Variants in CDON observed in about 807,000 individuals in gnomAD.
The protein encoded by CDON is cell adhesion associated, oncogene regulated.
Under a neutral mutation model 120.9 loss-of-function variants are expected in CDON, and 73 were observed. The observed-to-expected ratio is 0.60, with a 90% confidence interval of 0.50 to 0.73. The LOEUF (loss-of-function observed/expected upper bound fraction) is 0.73, where lower values mean the gene tolerates loss of function less well. Among genes scored for constraint, CDON ranks in the 30% least tolerant of loss-of-function variants. The probability of loss-of-function intolerance (pLI) is 0.00; values close to 1 mark genes in which losing one functional copy is unlikely to be tolerated. For missense variants in CDON, 1,470 were observed against 1,587.3 expected, an observed-to-expected ratio of 0.93 and a Z score of 1.26; for synonymous variants, 566 against 573.5, an observed-to-expected ratio of 0.99 and a Z score of 0.19.
At chr11:126,051,562 ATAAT>A (rs1232870596) in intron 1 of CDON, among the ~76,000 whole-genome samples, 3 of 152,296 alleles carry the variant, frequency 2.0e-5, no homozygotes, top group Admixed American at 6.5e-5. Context: ...GCTGTATTGT[ATAAT>A]TAAAACCCCC....
chr11:125,961,528 A>C (rs936537324), intron 19 of CDON, 196 bp downstream of exon 19: 35 of 658,210 alleles, frequency 5.3e-5, no homozygotes, highest in Non-Finnish European at 8.2e-5. Flanking sequence ...GAAGGACATG[A>C]GTAATAACAG....
At position 126,004,011 on chromosome 11, in the gene CDON, C is replaced by T. The variant is rs998670367; in HGVS notation, c.1917G>A (p.Glu639=). 4 of 1,613,880 alleles carry T rather than the reference C, an allele frequency of 2.5e-6. No homozygotes were observed. The African/African-American group carries it at 4.0e-5, about 16-fold the overall frequency. The change falls in exon 10 of 20, where the codon GAG becomes GAA. Residue 639 remains glutamate, a synonymous_variant. Coordinates refer to ENST00000531738, the MANE Select transcript of CDON (RefSeq NM_001378964.1). ...ATGGCTCCAGCTCAGCTAAATGGAG[C>T]TCATTTTCACTTCCTGGGACTCGAA... ...HTVRVPGSEN[E]LHLAELEPSS...
At chr11:126,055,687 T>C (rs901188062) in intron 1 of CDON, among the ~76,000 whole-genome samples, 2 of 152,186 alleles carry the variant, frequency 1.3e-5, no homozygotes, top group African/African-American at 2.4e-5. Flanking sequence ...TGTTTACATA[T>C]AATTTGTTGT....
chr11:126,042,033 A>G (rs1174573828), intron 1 of CDON, among the ~76,000 whole-genome samples: 1 of 152,014 alleles, frequency 6.6e-6, no homozygotes, highest in Admixed American at 6.6e-5. Flanking sequence ...TACAGGCATG[A>G]GCCACCACGC....
At position 125,958,405 on chromosome 11, in the gene CDON, C is replaced by T. The variant is rs1053013066; in HGVS notation, c.*2537G>A. ...CCTGGTACACAGTAGTTATTCAGCACGTGTTAGTGCTGTCTCCCACACTGT... is the reference window on the plus strand; with the variant it reads ...CCTGGTACACAGTAGTTATTCAGCATGTGTTAGTGCTGTCTCCCACACTGT... On this transcript the variant is annotated 3_prime_UTR_variant, in exon 20 of 20. Coordinates refer to ENST00000531738, the MANE Select transcript of CDON (RefSeq NM_001378964.1). 6.6e-6 allele frequency: 1 copy of T among 152,070 alleles called. No homozygotes were observed. The highest frequency in any genetic ancestry group is 6.5e-5 in the Admixed American group (1 of 15,270). 9.4% of individuals were successfully genotyped at this position (152,070 alleles called of 1,614,324 possible).
At chr11:126,027,433 C>T (rs1473089120) in intron 1 of CDON, among the ~76,000 whole-genome samples, 1 of 152,056 alleles carries the variant, frequency 6.6e-6, no homozygotes, top group African/African-American at 2.4e-5. Flanking sequence ...AAAAGAAACC[C>T]TTAATATTAG....
intron 18 of CDON, among the ~76,000 whole-genome samples, chr11:125,972,182 T>C (rs1946019005): frequency 6.6e-6 from 1 of 152,230 alleles, no homozygotes; most frequent in South Asian, 2.1e-4. Flanking sequence ...TCTCAGAACA[T>C]TGGGAGGCCG....
At chr11:126,051,996 C>T (rs947083987) in intron 1 of CDON, among the ~76,000 whole-genome samples, 2 of 152,096 alleles carry the variant, frequency 1.3e-5, no homozygotes, top group Non-Finnish European at 2.9e-5. Flanking sequence ...AGAAATAACA[C>T]ATAACATCAA....
chr11:125,975,255 G>A (rs928540444), intron 18 of CDON, among the ~76,000 whole-genome samples: 4 of 152,076 alleles, frequency 2.6e-5, no homozygotes, highest in Admixed American at 2.0e-4. Flanking sequence ...AAAACTCAAC[G>A]TGCTTCTTCA....
In CDON at chr11:126,034,828, A is replaced by G. The variant is rs1948050466; in HGVS notation, c.-61-11291T>C. 6.6e-6 allele frequency among the ~76,000 whole-genome samples: 1 copy of G among 152,254 alleles called. No homozygotes were observed. The highest frequency in any genetic ancestry group is 6.5e-5 in the Admixed American group (1 of 15,282). On this transcript the variant is annotated intron_variant, in intron 1 of 19. Coordinates refer to ENST00000531738, the MANE Select transcript of CDON (RefSeq NM_001378964.1). This position sits in a 1 kb window ranked among gnomAD's most constrained non-coding sequence, Gnocchi z 4.5. Reference sequence around the variant, plus strand: ...AAATCCAGCACTTGGTAGCTTTTCAAGTTTGTCACTGGAATTGGCTTTATG... The same window carrying G: ...AAATCCAGCACTTGGTAGCTTTTCAGGTTTGTCACTGGAATTGGCTTTATG...
intron 1 of CDON, among the ~76,000 whole-genome samples, chr11:126,026,063 A>G (rs1947784840): frequency 6.6e-6 from 1 of 152,240 alleles, no homozygotes; most frequent in East Asian, 1.9e-4. Flanking sequence ...ACAAAATTTT[A>G]GTGCCTAGCA....
intron 1 of CDON, among the ~76,000 whole-genome samples, chr11:126,030,999 G>A (rs978403512): frequency 2.0e-5 from 3 of 152,124 alleles, no homozygotes; most frequent in African/African-American, 4.8e-5. Context: ...GGGGTGCAAA[G>A]ATATACCAAA....
At chr11:125,979,231 T>C (rs1024211956) in intron 17 of CDON, among the ~76,000 whole-genome samples, 8 of 152,198 alleles carry the variant, frequency 5.3e-5, no homozygotes, top group African/African-American at 1.9e-4. Flanking sequence ...GGCAATTGTT[T>C]TTCCTAGAAT....
intron 15 of CDON, among the ~76,000 whole-genome samples, chr11:125,988,379 A>T (rs1484879596): frequency 2.0e-5 from 3 of 151,542 alleles, no homozygotes; most frequent in South Asian, 2.1e-4. Flanking sequence ...AAAAAAATGA[A>T]TTTTTTTTTC....
intron 8 of CDON, among the ~76,000 whole-genome samples, chr11:126,009,357 C>T (rs1259570576): frequency 6.6e-6 from 1 of 152,206 alleles, no homozygotes; most frequent in East Asian, 1.9e-4. Flanking sequence ...ACTGCTCTGG[C>T]TAAGGGTGCC....
At chr11:126,016,945 A>G (rs1591390191) in intron 6 of CDON, 143 bp downstream of exon 6, 1 of 701,664 alleles carries the variant, frequency 1.4e-6, no homozygotes, top group Non-Finnish European at 2.3e-6. Flanking sequence ...GCAGTCCATT[A>G]TAAAAATGAA....
intron 1 of CDON, among the ~76,000 whole-genome samples, chr11:126,045,987 C>CA (rs149148450): frequency 0.031 from 4,732 of 151,362 alleles, 243 homozygotes; most frequent in African/African-American, 0.11. Context: ...AAAACAAAAA[C>CA]AAAAAAAAGT....
Position 125,959,211 on chromosome 11 carries a change from G to T in CDON, c.*1731C>A, listed in dbSNP as rs1425210159. Reference sequence around the variant, plus strand: ...TATAAAATATATAGACATATGTAAGGGAATACTGATGCATTTATACAGAAA... The same window carrying T: ...TATAAAATATATAGACATATGTAAGTGAATACTGATGCATTTATACAGAAA... On this transcript the variant is annotated 3_prime_UTR_variant, in exon 20 of 20. Transcript: ENST00000531738. 1 of 152,068 alleles carries T rather than the reference G, an allele frequency of 6.6e-6. No homozygotes were observed. Among genetic ancestry groups the T allele is most frequent in the South Asian group, 2.1e-4 (1 of 4,826 alleles). 9.4% of individuals were successfully genotyped at this position (152,068 alleles called of 1,614,324 possible).
chr11:126,052,959 A>G lies in CDON; in HGVS notation c.-62+9620T>C, dbSNP rs192651049. On this transcript the variant is annotated intron_variant, in intron 1 of 19. Transcript: ENST00000531738. Reference sequence around the variant, plus strand: ...ATCTGCATAAGTTATATGCAAATACAGGGAACTTCAGCATCTAAGAATTTG... The same window carrying G: ...ATCTGCATAAGTTATATGCAAATACGGGGAACTTCAGCATCTAAGAATTTG... Among the ~76,000 whole-genome samples the G allele has an allele frequency of 1.8e-4, 28 of 152,360 alleles. No homozygotes were observed. In the East Asian group the frequency reaches 5.2e-3, roughly 28 times the overall value.
Sources: allele counts gnomAD v4.1 joint callset (sites outside exome capture counted in the v4.1 genomes callset), GRCh38; gene constraint gnomAD v4.1.1; non-coding constraint Gnocchi (gnomAD v3.1); transcripts MANE v1.5; gene names NCBI Gene and HGNC (gene_info 2026-07-23, HGNC 2026-07-21).